Variants in MAD1L1 observed in about 807,000 individuals in gnomAD.
MAD1L1 encodes the protein mitotic spindle assembly checkpoint protein MAD1.
MAD1L1 carries 95 observed loss-of-function variants against 96.9 expected under a neutral mutation model. The ratio of observed to expected loss-of-function variants is 0.98; its 90% CI spans 0.83 to 1.16. MAD1L1 has a LOEUF of 1.16. MAD1L1 is among the 50% of genes most tolerant of loss of function. MAD1L1 has a pLI of 0.00. For synonymous variants in MAD1L1, 473 were observed against 396.6 expected, an observed-to-expected ratio of 1.19 and a Z score of -2.29; for missense variants, 1,007 against 954.4, an observed-to-expected ratio of 1.06 and a Z score of -0.73.
At position 1,896,373 on chromosome 7, in the gene MAD1L1, C is replaced by A. The variant is rs1036215296; in HGVS notation, c.1998+1827G>T. ...ATGCTGGCTCGAGCAGGAAGAGCGG[C>A]AGGGCCCATGCTCGAGGGTATGACG... On this transcript the variant is annotated intron_variant, in intron 18 of 18. Transcript: ENST00000265854. Among the ~76,000 whole-genome samples, 12 of 152,196 alleles carry A rather than the reference C, an allele frequency of 7.9e-5. 1 individual carries two copies. Among genetic ancestry groups the A allele is most frequent in the Admixed American group, 5.9e-4 (9 of 15,286 alleles).
chr7:2,083,982 C>G (rs917982862), intron 11 of MAD1L1, among the ~76,000 whole-genome samples: 1 of 152,304 alleles, frequency 6.6e-6, no homozygotes, highest in South Asian at 2.1e-4. Context: ...TGGGCATGGA[C>G]CCCCACCCAG....
intron 15 of MAD1L1, among the ~76,000 whole-genome samples, chr7:1,972,043 C>T (rs1176603014): frequency 3.3e-5 from 5 of 152,182 alleles, no homozygotes; most frequent in African/African-American, 4.8e-5. Flanking sequence ...ATATCAAAAA[C>T]GGGACAACTA....
At chr7:1,980,869 CGGTTT>C (rs1423795764) in intron 14 of MAD1L1, 7 of 431,632 alleles carry the variant, frequency 1.6e-5, no homozygotes, top group Non-Finnish European at 1.8e-5. Context: ...ACGCTGCCGT[CGGTTT>C]GGTTTAACAG....
At chr7:1,931,164 C>T (rs1410092226) in intron 17 of MAD1L1, among the ~76,000 whole-genome samples, 1 of 109,516 alleles carries the variant, frequency 9.1e-6, no homozygotes, top group Non-Finnish European at 2.0e-5. Context: ...TCACCCCACG[C>T]ACGGTCACAG....
chr7:1,822,918 C>T lies in MAD1L1; in HGVS notation c.1999-6690G>A, dbSNP rs150588373. On this transcript the variant is annotated intron_variant, in intron 18 of 18. Coordinates refer to ENST00000265854, the MANE Select transcript of MAD1L1 (RefSeq NM_001013836.2). Reference sequence around the variant, plus strand: ...CAGCGCTGGAGGGGAGATGTGGAGACCAGCAGAACAGAACAGAGGAACTCG... The same window carrying T: ...CAGCGCTGGAGGGGAGATGTGGAGATCAGCAGAACAGAACAGAGGAACTCG... 4.2e-3 allele frequency among the ~76,000 whole-genome samples: 643 copies of T among 152,050 alleles called. 8 individuals carry two copies. The highest frequency in any genetic ancestry group is 0.014 in the African/African-American group (590 of 41,504).
intron 11 of MAD1L1, among the ~76,000 whole-genome samples, chr7:2,091,459 T>G (rs1454350094): frequency 2.6e-5 from 4 of 152,212 alleles, no homozygotes; most frequent in Non-Finnish European, 5.9e-5. Context: ...GGGTCTGGCT[T>G]TTCTCACTTA....
intron 12 of MAD1L1, among the ~76,000 whole-genome samples, chr7:2,045,057 C>T (rs1783860629): frequency 1.3e-5 from 2 of 152,218 alleles, no homozygotes. Context: ...GCCCTGACGG[C>T]AAGCCCCGGC....
chr7:1,882,394 C>CAT, intron 18 of MAD1L1, among the ~76,000 whole-genome samples: 1 of 152,208 alleles, frequency 6.6e-6, no homozygotes, highest in Non-Finnish European at 1.5e-5. Context: ...ATTAAGCTGT[C>CAT]TGTGTAGACC....
intron 12 of MAD1L1, among the ~76,000 whole-genome samples, chr7:2,023,116 A>T (rs1057286487): frequency 6.6e-6 from 1 of 152,216 alleles, no homozygotes; most frequent in Non-Finnish European, 1.5e-5. Flanking sequence ...CTCTTATCAG[A>T]AACGGACAGA....
intron 17 of MAD1L1, among the ~76,000 whole-genome samples, chr7:1,934,258 C>A (rs1008042079): frequency 6.6e-6 from 1 of 152,234 alleles, no homozygotes; most frequent in African/African-American, 2.4e-5. Context: ...AGCTCAGACA[C>A]GCCTCTTCGC....
At chr7:1,969,718 T>C (rs1780323187) in intron 15 of MAD1L1, among the ~76,000 whole-genome samples, 1 of 152,162 alleles carries the variant, frequency 6.6e-6, no homozygotes. Flanking sequence ...TTTCCCTGTA[T>C]TAGGAACAAG....
At chr7:2,191,223 G>A (rs1226504035) in intron 10 of MAD1L1, among the ~76,000 whole-genome samples, 1 of 152,102 alleles carries the variant, frequency 6.6e-6, no homozygotes, top group Non-Finnish European at 1.5e-5. Flanking sequence ...ACAAAACCAC[G>A]GTGACAGCCA....
chr7:1,999,086 G>A (rs922331750), intron 14 of MAD1L1, among the ~76,000 whole-genome samples: 21 of 152,012 alleles, frequency 1.4e-4, no homozygotes, highest in African/African-American at 5.1e-4. Flanking sequence ...ACTGAAGCAG[G>A]AGCATCTTTC....
chr7:1,989,709 G>C (rs1327211717), intron 14 of MAD1L1, among the ~76,000 whole-genome samples: 1 of 152,016 alleles, frequency 6.6e-6, no homozygotes, highest in Non-Finnish European at 1.5e-5. Context: ...GCCTCAGCAT[G>C]GATCAGCCTC....
intron 18 of MAD1L1, chr7:1,829,718 C>CAAAAAAAA (rs35483335): frequency 7.6e-6 from 1 of 132,220 alleles, no homozygotes; most frequent in Non-Finnish European, 1.6e-5. Flanking sequence ...CCCCAACCAC[C>CAAAAAAAA]AAAAAAAAAA....
At chr7:1,896,111 TG>T (rs1290807323) in intron 18 of MAD1L1, among the ~76,000 whole-genome samples, 1 of 152,164 alleles carries the variant, frequency 6.6e-6, no homozygotes, top group Non-Finnish European at 1.5e-5. Context: ...GGCCAGCTCC[TG>T]GGCTCTCTGT....
intron 11 of MAD1L1, among the ~76,000 whole-genome samples, chr7:2,097,274 T>TA (rs1328589708): frequency 6.6e-6 from 1 of 151,792 alleles, no homozygotes; most frequent in African/African-American, 2.4e-5. Flanking sequence ...GGCCTCAACG[T>TA]CCTTGTTTCC....
At chr7:1,890,087 A>T (rs988666296) in intron 18 of MAD1L1, among the ~76,000 whole-genome samples, 1 of 152,180 alleles carries the variant, frequency 6.6e-6, no homozygotes, top group Non-Finnish European at 1.5e-5. Flanking sequence ...ATCTCCTGGG[A>T]GGGGCATGTA....
At chr7:1,925,256 G>A (rs760254110) in intron 17 of MAD1L1, among the ~76,000 whole-genome samples, 2 of 152,274 alleles carry the variant, frequency 1.3e-5, no homozygotes, top group African/African-American at 2.4e-5. Context: ...TAGAAAGTGC[G>A]TTCCCTCAAC....
Sources: gnomAD v4.1 joint callset for allele counts (sites outside exome capture counted in the v4.1 genomes callset) on GRCh38, gnomAD v4.1.1 for gene constraint, MANE v1.5 for transcripts, NCBI Gene and HGNC (gene_info 2026-07-23, HGNC 2026-07-21) for gene names.